NCALD: variants seen among roughly 807,000 people sequenced by gnomAD.
NCALD encodes neurocalcin delta, also known as neurocalcin-delta.
A neutral mutation model predicts 18.6 loss-of-function variants in NCALD; 10 were observed. The ratio of observed to expected loss-of-function variants is 0.54; its 90% confidence interval spans 0.33 to 0.91. The LOEUF (loss-of-function observed/expected upper bound fraction) is 0.91. NCALD is among the 40% of genes least tolerant of loss of function. The pLI, the probability that NCALD is intolerant of heterozygous loss-of-function variation, is 0.03. For missense variants in NCALD, 184 were observed against 247.6 expected (o/e 0.74, Z 1.72); for synonymous variants, 88 against 87.4 (o/e 1.01, Z -0.04).
At chr8:102,113,263 A>G (rs754407485) in intron 1 of NCALD, among the ~76,000 whole-genome samples, 1 of 152,256 alleles carries the variant, frequency 6.6e-6, no homozygotes, top group Non-Finnish European at 1.5e-5. Context: ...ACACATGTAT[A>G]TAAATCTATT....
At chr8:101,889,433 C>T (rs1816792050) in intron 3 of NCALD, among the ~76,000 whole-genome samples, 1 of 152,206 alleles carries the variant, frequency 6.6e-6, no homozygotes, top group South Asian at 2.1e-4. Context: ...GACTCCCTGT[C>T]CGGTGATATT....
At chr8:101,749,081 A>G (rs1263071547) in intron 1 of NCALD, among the ~76,000 whole-genome samples, 1 of 152,226 alleles carries the variant, frequency 6.6e-6, no homozygotes, top group Non-Finnish European at 1.5e-5. Flanking sequence ...TGTGCTTTAA[A>G]AACTCCTTCA....
At chr8:101,742,091 A>G (rs1586369210) in intron 1 of NCALD, among the ~76,000 whole-genome samples, 1 of 20,198 alleles carries the variant, frequency 5.0e-5, no homozygotes, top group Non-Finnish European at 2.6e-4. Context: ...GTCTCTACTG[A>G]AAAAAAAAAA....
intron 1 of NCALD, among the ~76,000 whole-genome samples, chr8:102,081,210 C>G (rs1824515383): frequency 6.6e-6 from 1 of 152,010 alleles, no homozygotes. Context: ...ACGAAAAGAA[C>G]AAAATATTCA....
intron 2 of NCALD, among the ~76,000 whole-genome samples, chr8:101,946,635 A>G (rs1819184980): frequency 6.6e-6 from 1 of 152,050 alleles, no homozygotes; most frequent in African/African-American, 2.4e-5. Flanking sequence ...ACAAACATCA[A>G]ATTTATGATG....
At chr8:101,740,662 G>C (rs1396024404) in intron 1 of NCALD, among the ~76,000 whole-genome samples, 2 of 152,104 alleles carry the variant, frequency 1.3e-5, no homozygotes, top group Non-Finnish European at 2.9e-5. Context: ...CTAAAGAGAG[G>C]AAAGATGAAC....
At chr8:101,876,562 T>C (rs1427773219) in intron 4 of NCALD, among the ~76,000 whole-genome samples, 1 of 152,248 alleles carries the variant, frequency 6.6e-6, no homozygotes, top group African/African-American at 2.4e-5. Context: ...TGGTTCTATA[T>C]TGAGCCAATG....
chr8:101,814,038 A>G (rs933464283), intron 4 of NCALD, among the ~76,000 whole-genome samples: 1 of 152,062 alleles, frequency 6.6e-6, no homozygotes, highest in Non-Finnish European at 1.5e-5. Flanking sequence ...CAAAATAGAA[A>G]ACACCAGGCC....
chr8:101,989,981 G>T (rs993004166), intron 2 of NCALD, among the ~76,000 whole-genome samples: 2 of 152,192 alleles, frequency 1.3e-5, no homozygotes, highest in Non-Finnish European at 2.9e-5. Context: ...GTCCCAGCAT[G>T]CCTGGGTCAG....
At chr8:101,987,211 G>A (rs1240115473) in intron 2 of NCALD, among the ~76,000 whole-genome samples, 2 of 152,130 alleles carry the variant, frequency 1.3e-5, no homozygotes, top group Admixed American at 1.3e-4. Context: ...AAAACGGGGC[G>A]ACTATTGCCT....
intron 2 of NCALD, among the ~76,000 whole-genome samples, chr8:101,925,051 A>G (rs896793496): frequency 3.9e-5 from 6 of 152,128 alleles, no homozygotes; most frequent in Non-Finnish European, 8.8e-5. Context: ...TTCAGAAAGC[A>G]TGTATGACAA....
At chr8:101,861,623 T>C (rs1815546483) in intron 4 of NCALD, among the ~76,000 whole-genome samples, 1 of 152,026 alleles carries the variant, frequency 6.6e-6, no homozygotes, top group South Asian at 2.1e-4. Context: ...ACATGAAAAT[T>C]ACAATCTAAA....
At chr8:101,801,847 T>C (rs1341587523) in intron 4 of NCALD, among the ~76,000 whole-genome samples, 1 of 151,754 alleles carries the variant, frequency 6.6e-6, no homozygotes, top group African/African-American at 2.4e-5. Flanking sequence ...TTTGTATTTT[T>C]AGTAGAGACG....
chr8:102,001,872 G>A (rs1821486484), intron 2 of NCALD, among the ~76,000 whole-genome samples: 1 of 152,150 alleles, frequency 6.6e-6, no homozygotes, highest in Non-Finnish European at 1.5e-5. Flanking sequence ...AGCTCCTGAG[G>A]GAAGCACTAA....
At chr8:101,862,396 G>A (rs1266667985) in intron 4 of NCALD, among the ~76,000 whole-genome samples, 2 of 152,110 alleles carry the variant, frequency 1.3e-5, no homozygotes, top group African/African-American at 4.8e-5. Context: ...TTTAGGAGCT[G>A]GTTCCAAATG....
chr8:101,736,157 T>C (rs1809905437), intron 1 of NCALD, among the ~76,000 whole-genome samples: 1 of 152,176 alleles, frequency 6.6e-6, no homozygotes, highest in Admixed American at 6.5e-5. Flanking sequence ...AGCTGTCTCT[T>C]TTCCTCTTCT....
chr8:101,808,349 T>C (rs767628505), intron 4 of NCALD, among the ~76,000 whole-genome samples: 27 of 152,162 alleles, frequency 1.8e-4, no homozygotes, highest in Non-Finnish European at 3.7e-4. Context: ...AAATGTCTCC[T>C]CCCTAAAACT....
chr8:101,849,966 C>T (rs774328299), intron 4 of NCALD, among the ~76,000 whole-genome samples: 3 of 152,152 alleles, frequency 2.0e-5, no homozygotes, highest in Non-Finnish European at 4.4e-5. Flanking sequence ...AGAGGTGTTC[C>T]CCCACTCCCC....
chr8:102,054,666 A>AT (rs1823574526), intron 1 of NCALD, among the ~76,000 whole-genome samples: 1 of 53,452 alleles, frequency 1.9e-5, no homozygotes, highest in Non-Finnish European at 3.8e-5. Flanking sequence ...CTTCCGATAG[A>AT]TAGATAGATA....
Sources: gnomAD v4.1 joint callset for allele counts (sites outside exome capture counted in the v4.1 genomes callset) on GRCh38, gnomAD v4.1.1 for gene constraint, MANE v1.5 for transcripts, NCBI Gene and HGNC (gene_info 2026-07-23, HGNC 2026-07-21) for gene names.